Variants in IL23R observed in about 807,000 individuals in gnomAD.
IL23R encodes interleukin-23 receptor.
Under a neutral mutation model 56.9 loss-of-function variants are expected in IL23R, and 34 were observed. The observed-to-expected ratio is 0.60, with a 90% confidence interval of 0.45 to 0.80. The LOEUF (loss-of-function observed/expected upper bound fraction) is 0.80, where lower values mean the gene tolerates loss of function less well. IL23R is among the 30% of genes least tolerant of loss of function. IL23R has a pLI of 0.00. For synonymous variants in IL23R, 230 were observed against 249.2 expected (o/e 0.92, Z 0.73); for missense variants, 635 against 730.0 (o/e 0.87, Z 1.50).
chr1:67,147,510 C>T (rs1570754148), intron 1 of IL23R, among the ~76,000 whole-genome samples: 1 of 152,004 alleles, frequency 6.6e-6, no homozygotes, highest in Non-Finnish European at 1.5e-5. Context: ...ACCAGCCTGG[C>T]CAACATGGTG....
intron 6 of IL23R, among the ~76,000 whole-genome samples, chr1:67,216,106 A>G (rs1002248955): frequency 2.6e-5 from 4 of 152,074 alleles, no homozygotes; most frequent in African/African-American, 7.2e-5. Context: ...CCTCAAATTC[A>G]TGTCAAAAAT....
chr1:67,152,365 A>G (rs1471300263), intron 1 of IL23R, among the ~76,000 whole-genome samples: 3 of 152,164 alleles, frequency 2.0e-5, no homozygotes, highest in Admixed American at 1.3e-4. Flanking sequence ...GGCAGAGACG[A>G]TGGGGTTTTC....
chr1:67,234,700 T>G (rs1450579456), intron 7 of IL23R, among the ~76,000 whole-genome samples: 1 of 128,166 alleles, frequency 7.8e-6, no homozygotes, highest in Non-Finnish European at 1.6e-5. Flanking sequence ...AATGTAGTAT[T>G]TTTACTCTTT....
At chr1:67,225,817 T>C (rs1051395968) in intron 7 of IL23R, among the ~76,000 whole-genome samples, 1 of 152,180 alleles carries the variant, frequency 6.6e-6, no homozygotes, top group African/African-American at 2.4e-5. Context: ...GCCTGAATGC[T>C]TGGGCACTTC....
chr1:67,212,083 C>A (rs1180394108), intron 6 of IL23R, among the ~76,000 whole-genome samples: 1 of 81,356 alleles, frequency 1.2e-5, no homozygotes, highest in Admixed American at 1.3e-4. Flanking sequence ...AATGAAAAGA[C>A]AGGTTTCAAT....
chr1:67,166,713 T>C (rs1211415010), intron 1 of IL23R, among the ~76,000 whole-genome samples, 172 bp downstream of exon 1: 5 of 152,220 alleles, frequency 3.3e-5, no homozygotes, highest in Admixed American at 2.0e-4. Context: ...ATAATAATTA[T>C]TGCATATTTC....
intron 9 of IL23R, among the ~76,000 whole-genome samples, chr1:67,245,550 G>A (rs1482761287): frequency 6.6e-6 from 1 of 152,150 alleles, no homozygotes. Context: ...GGCCTTTTCT[G>A]CATCTATTCA....
chr1:67,226,325 C>G (rs950648580), intron 7 of IL23R, among the ~76,000 whole-genome samples: 7 of 152,164 alleles, frequency 4.6e-5, no homozygotes, highest in Non-Finnish European at 1.0e-4. Context: ...AGGTCACACA[C>G]AGATTTGAAG....
intron 7 of IL23R, among the ~76,000 whole-genome samples, chr1:67,222,364 G>T (rs958209616): frequency 2.0e-5 from 3 of 152,068 alleles, no homozygotes; most frequent in Non-Finnish European, 4.4e-5. Context: ...TGATCCGCCC[G>T]CTTTGGCCTC....
intron 1 of IL23R, among the ~76,000 whole-genome samples, chr1:67,154,328 C>T (rs1044315072): frequency 6.6e-5 from 10 of 152,110 alleles, no homozygotes; most frequent in Non-Finnish European, 1.3e-4. Context: ...TTCTCTGTCT[C>T]GTTGATCTGT....
Position 67,152,344 on chromosome 1 carries a change from A to C in IL23R, c.-634+13183A>C, listed in dbSNP as rs190408566. 1.7e-3 allele frequency among the ~76,000 whole-genome samples: 258 copies of C among 152,360 alleles called. 2 individuals are homozygous for C. Among genetic ancestry groups the C allele is most frequent in the African/African-American group, 5.7e-3 (237 of 41,592 alleles). ...ACTGCTGAAGTTGATTATCAGCTTA[A>C]GGAGTTTTTGGGCAGAGACGATGGG... On this transcript the variant is annotated intron_variant, in intron 1 of 10. Coordinates refer to the IL23R transcript ENST00000637002.
chr1:67,194,019 C>T (rs907866358), intron 4 of IL23R, among the ~76,000 whole-genome samples: 15 of 152,162 alleles, frequency 9.9e-5, no homozygotes, highest in African/African-American at 3.6e-4. Flanking sequence ...CTCAGGAAGA[C>T]ACTTTACTTA....
At chr1:67,213,142 G>A (rs1558246558) in intron 6 of IL23R, among the ~76,000 whole-genome samples, 1 of 152,114 alleles carries the variant, frequency 6.6e-6, no homozygotes, top group East Asian at 1.9e-4. Flanking sequence ...TTACAGGTGC[G>A]AGCCACTGCG....
intron 3 of IL23R, among the ~76,000 whole-genome samples, chr1:67,170,932 A>G (rs184240361): frequency 6.6e-6 from 1 of 152,376 alleles, no homozygotes; most frequent in African/African-American, 2.4e-5. Context: ...AGAAAGTTGT[A>G]GAGGTGAGTT....
chr1:67,206,239 C>T (rs1055755541), intron 5 of IL23R, among the ~76,000 whole-genome samples: 11 of 152,044 alleles, frequency 7.2e-5, no homozygotes, highest in African/African-American at 2.7e-4. Flanking sequence ...GTCTCAAACT[C>T]CTGACCTTAA....
upstream of IL23R, among the ~76,000 whole-genome samples, chr1:67,163,310 T>C (rs1013767498): frequency 6.7e-6 from 1 of 149,978 alleles, no homozygotes; most frequent in Non-Finnish European, 1.5e-5. Context: ...CTCTACAAAA[T>C]ATACAAAAAT....
rs185946092 is a variant in IL23R, at chr1:67,225,729, C to T, written c.955+5999C>T. ...TTCGTCATGTTGGCCAGGCTGGTCT[C>T]GAACTCCTGACCTCAAATGATCCCC... is the stretch of plus-strand genomic sequence containing the variant. On this transcript the variant is annotated intron_variant, in intron 7 of 10. Transcript: ENST00000347310. 3.1e-3 allele frequency among the ~76,000 whole-genome samples: 475 copies of T among 152,132 alleles called. 2 individuals are homozygous for T. The highest frequency in any genetic ancestry group is 0.011 in the African/African-American group (448 of 41,498).
intron 1 of IL23R, among the ~76,000 whole-genome samples, chr1:67,166,807 T>C (rs1646878460): frequency 6.6e-6 from 1 of 152,186 alleles, no homozygotes; most frequent in African/African-American, 2.4e-5. Context: ...TAACAAATAA[T>C]GAAAGGGATC....
chr1:67,188,317 A>T (rs1647495435), intron 4 of IL23R, among the ~76,000 whole-genome samples: 2 of 152,100 alleles, frequency 1.3e-5, no homozygotes, highest in South Asian at 4.1e-4. Flanking sequence ...CCTCCTGTGG[A>T]CTTCGACCTA....
Sources: gnomAD v4.1 joint callset for allele counts (sites outside exome capture counted in the v4.1 genomes callset) on GRCh38, gnomAD v4.1.1 for gene constraint, MANE v1.5 for transcripts, NCBI Gene and HGNC (gene_info 2026-07-23, HGNC 2026-07-21) for gene names.